GPR83: variants seen among roughly 807,000 people sequenced by gnomAD.
GPR83 encodes G protein-coupled receptor 83.
In GPR83, 23 loss-of-function variants were observed where a neutral mutation model predicts 28.0. That is an observed-to-expected ratio of 0.82 (90% CI 0.59 to 1.16). The LOEUF (loss-of-function observed/expected upper bound fraction) is 1.16. Among genes scored for constraint, GPR83 ranks in the 50% most tolerant of loss-of-function variants. The pLI is 0.00. For synonymous variants in GPR83, 234 were observed against 215.4 expected (o/e 1.09, Z -0.76); for missense variants, 610 against 536.6 (o/e 1.14, Z -1.35).
At chr11:94,382,132 C>T (rs949099183) in intron 3 of GPR83, among the ~76,000 whole-genome samples, 1 of 152,128 alleles carries the variant, frequency 6.6e-6, no homozygotes, top group Non-Finnish European at 1.5e-5. Flanking sequence ...ATGGGCGGAT[C>T]ACCTGAGGTC....
At chr11:94,392,757 C>T (rs373619678) in intron 3 of GPR83, among the ~76,000 whole-genome samples, 3 of 151,740 alleles carry the variant, frequency 2.0e-5, no homozygotes, top group African/African-American at 4.8e-5. Flanking sequence ...ACCCAGGTGG[C>T]GGAGGTTACA....
At chr11:94,383,232 C>T (rs4753604) in intron 3 of GPR83, among the ~76,000 whole-genome samples, 1 of 151,602 alleles carries the variant, frequency 6.6e-6, no homozygotes, top group South Asian at 2.1e-4. Context: ...CTACGAAATG[C>T]CTACTGAGTA....
chr11:94,378,069 C>A lies in GPR83; in HGVS notation c.*2080G>T, dbSNP rs974610499. On this transcript the variant is annotated 3_prime_UTR_variant, in exon 4 of 4. Coordinates refer to ENST00000243673, the MANE Select transcript of GPR83 (RefSeq NM_016540.4). Reference sequence around the variant, plus strand: ...ACCACAGAGACAATAAGTACAGGCACATGAGCCATTTGTCCTGAAAAATCC... The same window carrying A: ...ACCACAGAGACAATAAGTACAGGCAAATGAGCCATTTGTCCTGAAAAATCC... The A allele has an allele frequency of 6.6e-6, 1 of 152,108 alleles. No homozygotes were observed. Among genetic ancestry groups the A allele is most frequent in the Non-Finnish European group, 1.5e-5 (1 of 68,014 alleles). 9.4% of individuals were successfully genotyped at this position (152,108 alleles called of 1,614,324 possible).
Position 94,401,351 on chromosome 11 carries a change from G to T in GPR83, c.-104C>A, listed in dbSNP as rs902352087. ...TGCGGGGCGCACAGCATACAAGGCCGTCCCGAGGAGCCAGGGAGCCCGGAC... is the reference window on the plus strand; with the variant it reads ...TGCGGGGCGCACAGCATACAAGGCCTTCCCGAGGAGCCAGGGAGCCCGGAC... On this transcript the variant is annotated 5_prime_UTR_variant, in exon 1 of 4. Coordinates refer to ENST00000243673, the MANE Select transcript of GPR83 (RefSeq NM_016540.4). The T allele has an allele frequency of 6.3e-6, 7 of 1,114,114 alleles. No individual in the cohort carries two copies. The South Asian group carries it at 7.2e-5, about 12-fold the overall frequency. 69.0% of individuals were successfully genotyped at this position (1,114,114 alleles called of 1,614,324 possible). A position where few individuals can be genotyped will look rare whatever the true frequency, so the allele number is the denominator to read the frequency against.
intron 1 of GPR83, among the ~76,000 whole-genome samples, chr11:94,397,726 A>G (rs1216699933): frequency 6.6e-6 from 1 of 152,262 alleles, no homozygotes; most frequent in Non-Finnish European, 1.5e-5. Flanking sequence ...CCATTATTAC[A>G]ACATATGAGA....
intron 3 of GPR83, among the ~76,000 whole-genome samples, chr11:94,381,430 G>A (rs183264534): frequency 4.8e-4 from 73 of 152,230 alleles, no homozygotes; most frequent in East Asian, 1.5e-3. Context: ...CAGCCTGGAT[G>A]TTGGGGGGCC....
Position 94,401,398 on chromosome 11 carries a change from G to T in GPR83, c.-151C>A. 1 of 632,868 alleles carries T rather than the reference G, an allele frequency of 1.6e-6. No homozygotes were observed. Among genetic ancestry groups the T allele is most frequent in the South Asian group, 2.9e-5 (1 of 34,448 alleles). The allele number at this position is 632,868 out of a possible 1,614,324, so 39.2% of individuals were successfully genotyped here. A position where few individuals can be genotyped will look rare whatever the true frequency, so the allele number is the denominator to read the frequency against. ...GGACGCGCGGAGCACCGCGCCGCCC[G>T]CCACCAGCCCGCGGTCGGCACGCCA... On this transcript the variant is annotated 5_prime_UTR_variant, in exon 1 of 4. Coordinates refer to ENST00000243673, the MANE Select transcript of GPR83 (RefSeq NM_016540.4).
chr11:94,378,075 C>T lies in GPR83; in HGVS notation c.*2074G>A, dbSNP rs893942266. The stretch of plus-strand genomic sequence containing the variant: ...GAGACAATAAGTACAGGCACATGAG[C>T]CATTTGTCCTGAAAAATCCATCTGG... On this transcript the variant is annotated 3_prime_UTR_variant, in exon 4 of 4. Coordinates refer to ENST00000243673, the MANE Select transcript of GPR83 (RefSeq NM_016540.4). 1 of 152,108 alleles carries T rather than the reference C, an allele frequency of 6.6e-6. No homozygotes were observed. Among genetic ancestry groups the T allele is most frequent in the Non-Finnish European group, 1.5e-5 (1 of 68,014 alleles). The allele number at this position is 152,108 out of a possible 1,614,324, so 9.4% of individuals were successfully genotyped here. A position where few individuals can be genotyped will look rare whatever the true frequency, so the allele number is the denominator to read the frequency against.
intron 1 of GPR83, among the ~76,000 whole-genome samples, chr11:94,397,655 AC>A (rs1944878835): frequency 6.6e-6 from 1 of 152,248 alleles, no homozygotes; most frequent in Admixed American, 6.5e-5. Context: ...AAGATTGTTA[AC>A]ACATGTAAAG....
intron 3 of GPR83, among the ~76,000 whole-genome samples, chr11:94,383,586 A>G (rs1190050314): frequency 6.6e-6 from 1 of 152,180 alleles, no homozygotes; most frequent in Non-Finnish European, 1.5e-5. Flanking sequence ...ATAGACCACT[A>G]GAAGACTAAT....
At position 94,380,297 on chromosome 11, in the gene GPR83, G is replaced by A; in HGVS notation, c.1124C>T (p.Pro375Leu). ...RPPKPQEDRP[P>L]SPVPSFRVAW... Reference sequence around the variant, plus strand: ...CACCCTGAAGGAAGGAACTGGGGAGGGTGGCCTGTCCTCCTGAGGCTTGGG... The same window carrying A: ...CACCCTGAAGGAAGGAACTGGGGAGAGTGGCCTGTCCTCCTGAGGCTTGGG... The change falls in exon 4 of 4, where the codon CCC becomes CTC. Residue 375 changes from proline to leucine, a missense_variant. Coordinates refer to ENST00000243673, the MANE Select transcript of GPR83 (RefSeq NM_016540.4). 1 of 1,599,840 alleles carries A rather than the reference G, an allele frequency of 6.3e-7. No individual in the cohort carries two copies.
intron 3 of GPR83, among the ~76,000 whole-genome samples, chr11:94,389,576 T>C (rs1349685434): frequency 2.6e-5 from 4 of 152,182 alleles, no homozygotes; most frequent in African/African-American, 9.7e-5. Context: ...AAAATGCTCA[T>C]TATCACTGGC....
chr11:94,387,135 C>A (rs1259612258), intron 3 of GPR83, among the ~76,000 whole-genome samples: 1 of 152,158 alleles, frequency 6.6e-6, no homozygotes, highest in South Asian at 2.1e-4. Context: ...CCAAAGAGAA[C>A]AAAGACACAA....
At chr11:94,390,167 T>C (rs1289211047) in intron 3 of GPR83, among the ~76,000 whole-genome samples, 1 of 151,526 alleles carries the variant, frequency 6.6e-6, no homozygotes, top group Non-Finnish European at 1.5e-5. Flanking sequence ...CTGGGGACTG[T>C]TGTGGGGTGG....
At chr11:94,387,906 A>G (rs1944776691) in intron 3 of GPR83, among the ~76,000 whole-genome samples, 1 of 152,220 alleles carries the variant, frequency 6.6e-6, no homozygotes, top group African/African-American at 2.4e-5. Flanking sequence ...CCAGACGAAC[A>G]TCAATGCAAA....
At chr11:94,383,010 A>C (rs1944709883) in intron 3 of GPR83, among the ~76,000 whole-genome samples, 1 of 150,314 alleles carries the variant, frequency 6.7e-6, no homozygotes, top group Non-Finnish European at 1.5e-5. Context: ...TAAAAATACA[A>C]AAAAAAAATT....
At chr11:94,382,447 T>C (rs964025573) in intron 3 of GPR83, among the ~76,000 whole-genome samples, 1 of 148,914 alleles carries the variant, frequency 6.7e-6, no homozygotes, top group Non-Finnish European at 1.5e-5. Flanking sequence ...GGGCATTACA[T>C]AATGGTAAAG....
intron 3 of GPR83, among the ~76,000 whole-genome samples, chr11:94,384,641 G>A (rs546023830): frequency 7.9e-5 from 12 of 152,286 alleles, no homozygotes; most frequent in African/African-American, 2.4e-4. Flanking sequence ...CAGCGGCAGC[G>A]AGGCTGGGGG....
intron 3 of GPR83, 60 bp downstream of exon 3, chr11:94,393,425 T>A: frequency 6.5e-7 from 1 of 1,549,906 alleles, no homozygotes; most frequent in Non-Finnish European, 8.9e-7. Context: ...TATCCCTTGG[T>A]GGAGCCTGAC....
Sources: allele counts gnomAD v4.1 joint callset (sites outside exome capture counted in the v4.1 genomes callset), GRCh38; gene constraint gnomAD v4.1.1; transcripts MANE v1.5; gene names NCBI Gene and HGNC (gene_info 2026-07-23, HGNC 2026-07-21).